The following ERC1 variants were observed in gnomAD, a reference collection of about 807,000 sequenced individuals.
ERC1 encodes the protein RAB6 interacting protein 2.
ERC1 carries 56 observed loss-of-function variants against 132.0 expected under a neutral mutation model. That is an observed-to-expected ratio of 0.42 (90% CI 0.34 to 0.53). ERC1 has a LOEUF of 0.53. Ranked by LOEUF, ERC1 falls within the 20% of genes least tolerant of loss-of-function variation. The pLI, the probability that ERC1 is intolerant of heterozygous loss-of-function variation, is 0.03. For synonymous variants in ERC1, 478 were observed against 476.1 expected (o/e 1.00, Z -0.05); for missense variants, 1,202 against 1,349.9 (o/e 0.89, Z 1.72).
At chr12:1,401,765 AAG>A (rs1213206427) in intron 16 of ERC1, among the ~76,000 whole-genome samples, 4,677 of 147,138 alleles carry the variant, frequency 0.032, 99 homozygotes, top group Non-Finnish European at 0.045. Flanking sequence ...AAAAAAAAAA[AAG>A]AGTATTTTTA....
intron 16 of ERC1, among the ~76,000 whole-genome samples, chr12:1,396,329 T>C (rs2090538785): frequency 6.6e-6 from 1 of 152,208 alleles, no homozygotes; most frequent in African/African-American, 2.4e-5. Flanking sequence ...AAAAAATATA[T>C]GTCGTCCTTA....
chr12:1,093,928 TA>T (rs1461600174), intron 3 of ERC1, among the ~76,000 whole-genome samples: 1 of 124,710 alleles, frequency 8.0e-6, no homozygotes, highest in African/African-American at 2.7e-5. Flanking sequence ...TATAAATGTA[TA>T]TTTTTCTATA....
intron 2 of ERC1, among the ~76,000 whole-genome samples, chr12:1,057,065 A>G (rs1973101963): frequency 6.6e-6 from 1 of 152,236 alleles, no homozygotes; most frequent in South Asian, 2.1e-4. Flanking sequence ...TTCATAATTT[A>G]GCATAGGAAA....
intron 15 of ERC1, among the ~76,000 whole-genome samples, chr12:1,340,166 A>G (rs74921199): frequency 1.4e-3 from 217 of 152,218 alleles, no homozygotes; most frequent in African/African-American, 5.0e-3. Context: ...CGGGGTACCC[A>G]AGGCTATCCT....
intron 1 of ERC1, among the ~76,000 whole-genome samples, chr12:1,006,372 T>A (rs925427518): frequency 1.3e-4 from 20 of 152,312 alleles, no homozygotes; most frequent in African/African-American, 4.8e-4. Context: ...TAGCTGGGAC[T>A]GTAGGCATGC....
At chr12:1,456,442 C>A (rs962555941) in intron 18 of ERC1, among the ~76,000 whole-genome samples, 2 of 151,986 alleles carry the variant, frequency 1.3e-5, no homozygotes, top group Admixed American at 6.6e-5. Flanking sequence ...GAATTCAGGG[C>A]CACCTTACCC....
intron 2 of ERC1, among the ~76,000 whole-genome samples, chr12:1,037,493 AG>A (rs1433761887): frequency 1.3e-5 from 2 of 152,188 alleles, no homozygotes; most frequent in African/African-American, 4.8e-5. Flanking sequence ...ATCTGTTATG[AG>A]TGCACTGTTA....
intron 14 of ERC1, among the ~76,000 whole-genome samples, chr12:1,269,995 C>A (rs1247618129): frequency 2.0e-5 from 3 of 152,082 alleles, no homozygotes; most frequent in Non-Finnish European, 4.4e-5. Flanking sequence ...TGAAATAAAA[C>A]CTAATTAAGT....
intron 15 of ERC1, among the ~76,000 whole-genome samples, chr12:1,315,732 AGAGAGAGAGC>A (rs1404625389): frequency 1.3e-5 from 2 of 152,124 alleles, no homozygotes; most frequent in African/African-American, 4.8e-5. Flanking sequence ...AAAGCCAGAG[AGAGAGAGAGC>A]GAGAGAGAGG....
intron 7 of ERC1, among the ~76,000 whole-genome samples, chr12:1,136,632 A>G (rs1949272725): frequency 1.3e-5 from 2 of 152,220 alleles, no homozygotes; most frequent in South Asian, 4.1e-4. Context: ...ATTTGCAAGT[A>G]GGATAAAATT....
chr12:1,409,719 T>C (rs2091728617), intron 17 of ERC1, among the ~76,000 whole-genome samples: 1 of 152,112 alleles, frequency 6.6e-6, no homozygotes, highest in Non-Finnish European at 1.5e-5. Context: ...TTGTTTTGTT[T>C]TGTTTTTGAG....
At chr12:1,034,934 C>T (rs1968777095) in intron 2 of ERC1, among the ~76,000 whole-genome samples, 1 of 152,198 alleles carries the variant, frequency 6.6e-6, no homozygotes, top group Admixed American at 6.5e-5. Context: ...ATGGTGAACA[C>T]CGCCTTATCT....
chr12:1,341,653 G>A (rs182148966), intron 15 of ERC1, among the ~76,000 whole-genome samples: 2 of 147,410 alleles, frequency 1.4e-5, no homozygotes, highest in Non-Finnish European at 3.0e-5. Flanking sequence ...ACACACTGGG[G>A]CCTGTCATGG....
Position 1,489,925 on chromosome 12 carries a change from T to C in ERC1, c.3214-168T>C, listed in dbSNP as rs185275562. Among the ~76,000 whole-genome samples the C allele has an allele frequency of 5.6e-4, 86 of 152,376 alleles. 1 individual carries two copies. The East Asian group carries it at 0.013, about 22-fold the overall frequency. On this transcript the variant is annotated intron_variant, in intron 18 of 18. Coordinates refer to ENST00000360905, the MANE Select transcript of ERC1 (RefSeq NM_178040.4). ...GTGACTAACTTTTTGGGCCTCACTT[T>C]CATGAAGACGCATTTGATATTTGCT...
chr12:1,286,571 TGTA>T (rs1411687808), intron 14 of ERC1, among the ~76,000 whole-genome samples: 1 of 152,150 alleles, frequency 6.6e-6, no homozygotes, highest in Non-Finnish European at 1.5e-5. Flanking sequence ...TGTACAGCGT[TGTA>T]GTAGTCATTC....
chr12:1,047,601 A>G (rs1406274980), intron 2 of ERC1, among the ~76,000 whole-genome samples: 1 of 152,222 alleles, frequency 6.6e-6, no homozygotes, highest in East Asian at 1.9e-4. Context: ...ACCACTTCTG[A>G]TTTCTCAAAT....
intron 15 of ERC1, among the ~76,000 whole-genome samples, chr12:1,340,880 A>G (rs2083770985): frequency 6.6e-6 from 1 of 151,982 alleles, no homozygotes; most frequent in Admixed American, 6.6e-5. Context: ...GATTACAGGC[A>G]TGAGCCACTG....
intron 15 of ERC1, among the ~76,000 whole-genome samples, chr12:1,328,826 G>GGATGCAAAGTGAGGCA (rs1555362532): frequency 6.7e-6 from 1 of 149,108 alleles, no homozygotes; most frequent in Admixed American, 6.7e-5. Flanking sequence ...GTTGAATTAG[G>GGATGCAAAGTGAGGCA]AGCATCTAAT....
chr12:1,261,383 C>T (rs190610819), intron 13 of ERC1, among the ~76,000 whole-genome samples: 3 of 152,192 alleles, frequency 2.0e-5, no homozygotes, highest in African/African-American at 7.2e-5. Context: ...TTTATACTTA[C>T]AGCAATCTGT....
Sources: gnomAD v4.1 joint callset for allele counts (sites outside exome capture counted in the v4.1 genomes callset) on GRCh38, gnomAD v4.1.1 for gene constraint, MANE v1.5 for transcripts, NCBI Gene and HGNC (gene_info 2026-07-23, HGNC 2026-07-21) for gene names.